The following CHMP1A variants were observed in gnomAD, a reference collection of about 807,000 sequenced individuals.
CHMP1A encodes VPS46 homolog A.
Under a neutral mutation model 27.0 loss-of-function variants are expected in CHMP1A, and 17 were observed. The observed-to-expected ratio is 0.63, with a 90% CI of 0.43 to 0.95. The LOEUF (loss-of-function observed/expected upper bound fraction) is 0.95. Among genes scored for constraint, CHMP1A ranks in the 40% least tolerant of loss-of-function variants. The pLI, the probability that CHMP1A is intolerant of heterozygous loss-of-function variation, is 0.00. For missense variants in CHMP1A, 275 were observed against 264.0 expected (o/e 1.04, Z -0.29); for synonymous variants, 131 against 107.5 (o/e 1.22, Z -1.35).
chr16:89,649,620 G>A, intron 3 of CHMP1A, 123 bp from the exon 4 acceptor site: 1 of 1,200,044 alleles, frequency 8.3e-7, no homozygotes, highest in Non-Finnish European at 1.2e-6. Context: ...CTGTTGCCCA[G>A]GCTGGAGTGC....
At chr16:89,649,867 C>A (rs2437955) in intron 3 of CHMP1A, among the ~76,000 whole-genome samples, 48,409 of 152,128 alleles carry the variant, frequency 0.32, 10,029 homozygotes, top group Middle Eastern at 0.61. Context: ...TGAGCCACCG[C>A]GCCCGGCCCT....
Position 89,651,546 on chromosome 16 carries a change from C to A in CHMP1A, c.105+23G>T, listed in dbSNP as rs1372000073. On this transcript the variant is annotated intron_variant, in intron 3 of 6. Coordinates refer to ENST00000397901, the MANE Select transcript of CHMP1A (RefSeq NM_002768.5). ...AGAAGACAAACCAGGAGAGTCATGA[C>A]CCCACAGCCCCCAGGGTCTCACCTT... 1.9e-6 allele frequency: 3 copies of A among 1,610,328 alleles called. No homozygotes were observed. The African/African-American group carries it at 4.0e-5, about 22-fold the overall frequency.
intron 6 of CHMP1A, among the ~76,000 whole-genome samples, 176 bp from the exon 7 acceptor site, chr16:89,646,263 G>A (rs1467786495): frequency 2.0e-5 from 3 of 152,246 alleles, no homozygotes; most frequent in Non-Finnish European, 2.9e-5. Flanking sequence ...GAAGGGTGCA[G>A]TATTCTAAAG....
At chr16:89,653,756 C>T in intron 2 of CHMP1A, 148 bp downstream of exon 2, 1 of 797,638 alleles carries the variant, frequency 1.3e-6, no homozygotes. Context: ...CAATAATCCC[C>T]TCCTTGGTCA....
intron 2 of CHMP1A, among the ~76,000 whole-genome samples, chr16:89,653,447 C>T (rs2059840454): frequency 6.7e-6 from 1 of 149,976 alleles, no homozygotes; most frequent in South Asian, 2.1e-4. Context: ...GGTGAAACCC[C>T]GTCTCTATTA....
At position 89,654,473 on chromosome 16, in the gene CHMP1A, T is replaced by C. The variant is rs542699858; in HGVS notation, c.8-550A>G. ...CAGACTCTTTCTCCTCAAAGGTAAA[T>C]GGATAAAAATAGCAAGGTGGTAACT... On this transcript the variant is annotated intron_variant, in intron 1 of 6. Transcript: ENST00000397901. 3.3e-5 allele frequency among the ~76,000 whole-genome samples: 5 copies of C among 152,010 alleles called. No individual in the cohort carries two copies. The East Asian group carries it at 9.7e-4, about 29-fold the overall frequency.
At position 89,649,346 on chromosome 16, in the gene CHMP1A, C is replaced by T; in HGVS notation, c.252+5G>A. The stretch of plus-strand genomic sequence containing the variant: ...ACCCATCCAGCACCAGGGCCCAGCA[C>T]TCACCCCCTTCATAGTCACAGCTGT... On this transcript the variant is annotated splice_donor_5th_base_variant and intron_variant, in intron 4 of 6. Coordinates refer to ENST00000397901, the MANE Select transcript of CHMP1A (RefSeq NM_002768.5). The T allele has an allele frequency of 6.2e-7, 1 of 1,610,952 alleles. No homozygotes were observed. Among genetic ancestry groups the T allele is most frequent in the East Asian group, 2.2e-5 (1 of 44,764 alleles).
rs750617151 is a variant in CHMP1A at position 89,657,615 on chromosome 16, G to A, written c.-27C>T. 27 of 1,610,898 alleles carry A rather than the reference G, an allele frequency of 1.7e-5. No individual in the cohort carries two copies. The highest frequency in any genetic ancestry group is 2.3e-5 in the Non-Finnish European group (27 of 1,179,138). On this transcript the variant is annotated 5_prime_UTR_variant, in exon 1 of 7. Coordinates refer to ENST00000397901, the MANE Select transcript of CHMP1A (RefSeq NM_002768.5). Reference sequence around the variant, plus strand: ...GCCACAATGACAGGAGCAGCACTCGGAGAGGGAGAAGGGACGCCAACTCCG... The same window carrying A: ...GCCACAATGACAGGAGCAGCACTCGAAGAGGGAGAAGGGACGCCAACTCCG...
chr16:89,646,184 C>G (rs1447956826), intron 6 of CHMP1A, 97 bp from the exon 7 acceptor site: 1 of 1,136,312 alleles, frequency 8.8e-7, no homozygotes, highest in Non-Finnish European at 1.2e-6. Flanking sequence ...TCCTCAGTGT[C>G]CTGAGATAAC....
chr16:89,651,478 C>T (rs2059823419), intron 3 of CHMP1A, 91 bp downstream of exon 3: 2 of 1,145,518 alleles, frequency 1.7e-6, no homozygotes, highest in Non-Finnish European at 1.3e-6. Flanking sequence ...CCCCAAAAGG[C>T]ATCAAAACAA....
intron 6 of CHMP1A, 54 bp downstream of exon 6, chr16:89,646,473 C>G: frequency 6.7e-7 from 1 of 1,488,850 alleles, no homozygotes; most frequent in Non-Finnish European, 9.1e-7. Flanking sequence ...CTCTCCCTTC[C>G]CACAGCACCA....
At chr16:89,654,621 T>C (rs974454519) in intron 1 of CHMP1A, among the ~76,000 whole-genome samples, 1 of 151,748 alleles carries the variant, frequency 6.6e-6, no homozygotes, top group East Asian at 1.9e-4. Context: ...CTAGGGAATA[T>C]AGTCAGACCT....
At chr16:89,656,261 C>T (rs971222312) in intron 1 of CHMP1A, among the ~76,000 whole-genome samples, 2 of 152,154 alleles carry the variant, frequency 1.3e-5, no homozygotes, top group Non-Finnish European at 2.9e-5. Flanking sequence ...CTCAGCCTCC[C>T]GAGTAGCTGG....
intron 1 of CHMP1A, among the ~76,000 whole-genome samples, chr16:89,654,259 G>C (rs1233174690): frequency 1.3e-5 from 2 of 152,232 alleles, no homozygotes; most frequent in African/African-American, 4.8e-5. Context: ...GCCATGGTTA[G>C]AATCCAAAAG....
intron 2 of CHMP1A, among the ~76,000 whole-genome samples, chr16:89,653,015 C>CT (rs2059837211): frequency 8.2e-6 from 1 of 122,104 alleles, no homozygotes; most frequent in African/African-American, 3.0e-5. Context: ...TTTTTTTTTT[C>CT]TTTTCTTTTT....
At chr16:89,652,110 G>C (rs1004892906) in intron 2 of CHMP1A, among the ~76,000 whole-genome samples, 2 of 152,244 alleles carry the variant, frequency 1.3e-5, no homozygotes, top group Admixed American at 6.5e-5. Context: ...GAATGCTGTG[G>C]ATGCAGGAGG....
chr16:89,651,966 ACTCTGAT>A (rs2059827901), intron 2 of CHMP1A, among the ~76,000 whole-genome samples: 2 of 151,826 alleles, frequency 1.3e-5, no homozygotes, highest in African/African-American at 4.8e-5. Context: ...AAAACCTCTC[ACTCTGAT>A]CTCGGCTCCT....
At chr16:89,650,784 C>T (rs1392021148) in intron 3 of CHMP1A, among the ~76,000 whole-genome samples, 1 of 149,000 alleles carries the variant, frequency 6.7e-6, no homozygotes, top group East Asian at 1.9e-4. Flanking sequence ...CCAGCCTGGG[C>T]AACAGCGAGA....
At chr16:89,647,061 C>T (rs910698249) in intron 5 of CHMP1A, 142 bp downstream of exon 5, 13 of 1,532,536 alleles carry the variant, frequency 8.5e-6, no homozygotes, top group Non-Finnish European at 1.0e-5. Flanking sequence ...AGGGACCCAG[C>T]ACAGAGGATG....
Sources: gnomAD v4.1 joint callset for allele counts (sites outside exome capture counted in the v4.1 genomes callset) on GRCh38, gnomAD v4.1.1 for gene constraint, MANE v1.5 for transcripts, NCBI Gene and HGNC (gene_info 2026-07-23, HGNC 2026-07-21) for gene names.